The following UPP2 variants were observed in gnomAD, a reference collection of about 807,000 sequenced individuals.
UPP2 encodes the protein uridine phosphorylase 2, also known as UPase 2.
In UPP2, 23 loss-of-function variants were observed where a neutral mutation model predicts 26.7. The observed-to-expected ratio is 0.86, with a 90% CI of 0.62 to 1.22. UPP2 has a LOEUF of 1.22. Among genes scored for constraint, UPP2 ranks in the 50% most tolerant of loss-of-function variants. The pLI is 0.00. For missense variants in UPP2, 387 were observed against 396.7 expected (o/e 0.98, Z 0.21); for synonymous variants, 127 against 141.3 (o/e 0.90, Z 0.72).
At chr2:158,013,524 C>T (rs985699909) in intron 2 of UPP2, among the ~76,000 whole-genome samples, 13 of 152,300 alleles carry the variant, frequency 8.5e-5, no homozygotes, top group African/African-American at 2.9e-4. Flanking sequence ...GACAGCACAT[C>T]ATTTGTGACT....
At chr2:158,021,032 G>A (rs1204907791) in intron 3 of UPP2, among the ~76,000 whole-genome samples, 1 of 152,080 alleles carries the variant, frequency 6.6e-6, no homozygotes, top group Non-Finnish European at 1.5e-5. Context: ...AGCCTTTATT[G>A]GGCCATGAAC....
intron 3 of UPP2, among the ~76,000 whole-genome samples, chr2:158,025,409 G>A (rs1683818812): frequency 1.3e-5 from 2 of 152,150 alleles, no homozygotes; most frequent in Non-Finnish European, 2.9e-5. Context: ...CTGTCCTGGA[G>A]TGTGGAGGCC....
intron 3 of UPP2, among the ~76,000 whole-genome samples, chr2:158,085,072 T>G (rs1682792011): frequency 6.6e-6 from 1 of 152,168 alleles, no homozygotes; most frequent in African/African-American, 2.4e-5. Flanking sequence ...AGTTTGAAGA[T>G]TGCTTTTGGC....
At chr2:158,063,119 C>CT (rs1432253074) in intron 3 of UPP2, among the ~76,000 whole-genome samples, 4 of 152,202 alleles carry the variant, frequency 2.6e-5, no homozygotes, top group African/African-American at 9.6e-5. Context: ...AATGATTTAA[C>CT]TTTTTTTTCT....
chr2:158,099,229 C>G (rs1683033357), upstream of UPP2, among the ~76,000 whole-genome samples: 1 of 152,152 alleles, frequency 6.6e-6, no homozygotes, highest in African/African-American at 2.4e-5. Context: ...CTTCCTGGAG[C>G]ATGGTGTATG....
chr2:158,056,904 C>T (rs992185683), intron 3 of UPP2, among the ~76,000 whole-genome samples: 2 of 152,166 alleles, frequency 1.3e-5, no homozygotes, highest in African/African-American at 4.8e-5. Flanking sequence ...CAAGACACCA[C>T]ATTATGTCAT....
chr2:158,135,038 G>T lies in UPP2; in HGVS notation c.*148G>T. 7 of 939,924 alleles carry T rather than the reference G, an allele frequency of 7.4e-6. No homozygotes were observed. In the South Asian group the frequency reaches 1.0e-4, roughly 13 times the overall value. The allele number at this position is 939,924 out of a possible 1,614,324, so 58.2% of individuals were successfully genotyped here. A position where few individuals can be genotyped will look rare whatever the true frequency, so the allele number is the denominator to read the frequency against. Reference sequence around the variant, plus strand: ...TTATGAAATCCTTCTCTCTTAAAAAGGAATTTATTGTAAAAGAATACTCAC... The same window carrying T: ...TTATGAAATCCTTCTCTCTTAAAAATGAATTTATTGTAAAAGAATACTCAC... On this transcript the variant is annotated 3_prime_UTR_variant, in exon 7 of 7. Coordinates refer to ENST00000005756, the MANE Select transcript of UPP2 (RefSeq NM_173355.4).
At chr2:158,013,385 C>A (rs1206622184) in intron 2 of UPP2, among the ~76,000 whole-genome samples, 1 of 152,200 alleles carries the variant, frequency 6.6e-6, no homozygotes, top group Admixed American at 6.5e-5. Flanking sequence ...CAGCTTTAGG[C>A]ATATGGGCAT....
At chr2:158,118,029 A>G (rs1683479381) in intron 4 of UPP2, 91 bp downstream of exon 4, 10 of 1,107,576 alleles carry the variant, frequency 9.0e-6, no homozygotes, top group Non-Finnish European at 1.3e-5. Flanking sequence ...GAGCCCAGCA[A>G]AAGCCCAGAT....
chr2:158,063,436 T>C (rs762145929), intron 3 of UPP2, among the ~76,000 whole-genome samples: 19 of 152,180 alleles, frequency 1.2e-4, no homozygotes, highest in Non-Finnish European at 2.8e-4. Context: ...CTTTGATGTC[T>C]GAAAAACCAG....
intron 3 of UPP2, among the ~76,000 whole-genome samples, chr2:158,037,001 T>C (rs1048805307): frequency 1.3e-5 from 2 of 152,190 alleles, no homozygotes; most frequent in African/African-American, 4.8e-5. Context: ...ATCTTCAAGT[T>C]CATTTATTTT....
At chr2:158,133,550 A>G (rs1683868319) in intron 6 of UPP2, among the ~76,000 whole-genome samples, 1 of 152,218 alleles carries the variant, frequency 6.6e-6, no homozygotes, top group South Asian at 2.1e-4. Flanking sequence ...ATAAGAGATG[A>G]TAGATATGTG....
intron 6 of UPP2, among the ~76,000 whole-genome samples, chr2:158,130,658 C>T (rs1683800116): frequency 6.6e-6 from 1 of 152,102 alleles, no homozygotes; most frequent in Non-Finnish European, 1.5e-5. Flanking sequence ...GGTTCTAATT[C>T]AGCATTGTTT....
chr2:158,132,637 A>G (rs898916447), intron 6 of UPP2, among the ~76,000 whole-genome samples: 5 of 152,220 alleles, frequency 3.3e-5, no homozygotes, highest in Admixed American at 3.3e-4. Context: ...GATACATCTG[A>G]TAAGAGGTAA....
intron 3 of UPP2, among the ~76,000 whole-genome samples, chr2:158,048,006 G>A (rs10460441): frequency 0.57 from 86,176 of 151,998 alleles, 25,288 homozygotes; most frequent in Non-Finnish European, 0.66. Flanking sequence ...AGAGTTCAGT[G>A]AGGGTTAATG....
intron 3 of UPP2, among the ~76,000 whole-genome samples, chr2:158,067,582 G>A (rs78880029): frequency 0.026 from 3,965 of 152,144 alleles, 170 homozygotes; most frequent in African/African-American, 0.09. Flanking sequence ...AAGATGAATG[G>A]TGTCCCATTA....
At chr2:158,123,052 G>A (rs138950383) in intron 5 of UPP2, among the ~76,000 whole-genome samples, 121 of 152,332 alleles carry the variant, frequency 7.9e-4, no homozygotes, top group African/African-American at 2.9e-3. Context: ...TTGAATCCAG[G>A]TCTTCTCAGG....
At chr2:158,025,509 G>A (rs1444490070) in intron 3 of UPP2, among the ~76,000 whole-genome samples, 2 of 152,200 alleles carry the variant, frequency 1.3e-5, no homozygotes, top group Admixed American at 6.5e-5. Context: ...TCACCACAGT[G>A]CAACTGCAAG....
In UPP2 at chr2:157,997,802, T is replaced by G. The variant is rs142181323; in HGVS notation, c.61+2543T>G. 4.7e-4 allele frequency among the ~76,000 whole-genome samples: 71 copies of G among 152,278 alleles called. 1 individual carries two copies. Among genetic ancestry groups the G allele is most frequent in the African/African-American group, 1.7e-3 (69 of 41,566 alleles). On this transcript the variant is annotated intron_variant, in intron 2 of 9. Coordinates refer to the UPP2 transcript ENST00000605860. Reference sequence around the variant, plus strand: ...AAAACCTTCATCTGGGGAAGATGCTTTGAAAGGGGATGTTCATTTTCCTTA... The same window carrying G: ...AAAACCTTCATCTGGGGAAGATGCTGTGAAAGGGGATGTTCATTTTCCTTA...
Sources: allele counts gnomAD v4.1 joint callset (sites outside exome capture counted in the v4.1 genomes callset), GRCh38; gene constraint gnomAD v4.1.1; transcripts MANE v1.5; gene names NCBI Gene and HGNC (gene_info 2026-07-23, HGNC 2026-07-21).